Variants in TOPORS observed in about 807,000 individuals in gnomAD.
TOPORS encodes the protein E3 ubiquitin-protein ligase Topors.
In TOPORS, 25 loss-of-function variants were observed where a neutral mutation model predicts 81.4. The observed-to-expected ratio is 0.31, with a 90% CI of 0.22 to 0.43. TOPORS has a LOEUF of 0.43. Among genes scored for constraint, TOPORS ranks in the 20% least tolerant of loss-of-function variants. The probability of loss-of-function intolerance (pLI) is 1.00; values close to 1 mark genes in which losing one functional copy is unlikely to be tolerated. For missense variants in TOPORS, 1,101 were observed against 1,267.0 expected (o/e 0.87, Z 1.99); for synonymous variants, 473 against 456.6 (o/e 1.04, Z -0.46).
intron 2 of TOPORS, among the ~76,000 whole-genome samples, chr9:32,547,999 A>ATTTTTTTTTTTTTT (rs747727912): frequency 3.4e-3 from 283 of 83,714 alleles, no homozygotes; most frequent in African/African-American, 4.7e-3. Context: ...CACGCTCGGC[A>ATTTTTTTTTTTTTT]TTTTTTTTTT....
Position 32,552,437 on chromosome 9 carries a change from GA to G in TOPORS, c.-2del, listed in dbSNP as rs750665008. ...CGGACTGCTGCCGCCTCCTTACCAT[GA>G]AGCCAGTAAGTCGTCGCACGCTGGA... On this transcript the variant is annotated 5_prime_UTR_variant, in exon 1 of 3. Transcript: ENST00000360538. 6.2e-7 allele frequency: 1 copy of G among 1,608,868 alleles called. No homozygotes were observed. Among genetic ancestry groups the G allele is most frequent in the South Asian group, 1.1e-5 (1 of 89,996 alleles).
In TOPORS at chr9:32,543,971, G is replaced by A. The variant is rs1299378500; in HGVS notation, c.554C>T (p.Thr185Ile). Reference sequence around the variant, plus strand: ...ATACACAGAAGCATTTCGTTCCCTTGTCAGAGTTGTACGGTAGCGAAATCG... The same window carrying A: ...ATACACAGAAGCATTTCGTTCCCTTATCAGAGTTGTACGGTAGCGAAATCG... ...DRRFRYRTTL[T>I]RERNASVYSP... The change falls in exon 3 of 3, where the codon ACA (threonine) becomes ATA (isoleucine). Residue 185 changes from threonine to isoleucine, a missense_variant. Around this residue, in one of 9 missense-constraint regions of TOPORS, gnomAD observed 120 missense variants for 115.4 expected, o/e 1.04. Coordinates refer to ENST00000360538, the MANE Select transcript of TOPORS (RefSeq NM_005802.5). This position sits in a 1 kb window ranked among gnomAD's most constrained non-coding sequence, Gnocchi z 5.6. The A allele has an allele frequency of 5.0e-6, 8 of 1,614,094 alleles. No individual in the cohort carries two copies. Among genetic ancestry groups the A allele is most frequent in the Admixed American group, 1.7e-5 (1 of 60,020 alleles).
At position 32,550,930 on chromosome 9, in the gene TOPORS, C is replaced by T; in HGVS notation, c.42G>A (p.Glu14=). The change falls in exon 2 of 3, where the codon GAG becomes GAA. Residue 14 remains glutamate (E), a synonymous_variant. Transcript: ENST00000360538. ...QPPLGSPLSR[E]EGEAPPPAPA... ...GAGCAGGCGGGGGCGCTTCACCCTC[C>T]TCGCGAGACAGCGGAGACCCCAGCG... is the stretch of plus-strand genomic sequence containing the variant. The T allele has an allele frequency of 6.2e-7, 1 of 1,612,528 alleles. No homozygotes were observed.
At position 32,550,774 on chromosome 9, in the gene TOPORS, C is replaced by T. The variant is rs560530251; in HGVS notation, c.198G>A (p.Glu66=). The change falls in exon 2 of 3, where the codon GAG becomes GAA. Residue 66 remains glutamate, a splice_region_variant and synonymous_variant. Coordinates refer to ENST00000360538, the MANE Select transcript of TOPORS (RefSeq NM_005802.5). ...APARPAPASS[E]IMASAAKEFK... ...TCCCATTGTTCCGAATCTCACTCAC[C>T]TCGGAGGATGCCGGCGCAGGCCTGG... 3 of 1,612,900 alleles carry T rather than the reference C, an allele frequency of 1.9e-6. No individual in the cohort carries two copies. The highest frequency in any genetic ancestry group is 2.5e-6 in the Non-Finnish European group (3 of 1,179,668).
Position 32,543,931 on chromosome 9 carries a change from A to C in TOPORS, c.594T>G (p.Pro198=), listed in dbSNP as rs776676629. The C allele has an allele frequency of 6.2e-7, 1 of 1,614,140 alleles. No individual in the cohort carries two copies. The highest frequency in any genetic ancestry group is 8.5e-7 in the Non-Finnish European group (1 of 1,179,996). ...GTGGAGTTGTTGTTCTTCTGTTCAC[A>C]GGACCACTAGGTGAATACACAGAAG... The part of the protein sequence containing the change: ...RNASVYSPSG[P]VNRRTTTPPD... The change falls in exon 3 of 3, where the codon CCT becomes CCG. Residue 198 remains proline (P), a synonymous_variant. Transcript: ENST00000360538. The surrounding 1 kb of genome is among the most constrained non-coding windows in gnomAD (Gnocchi z 5.6).
intron 1 of TOPORS, 99 bp downstream of exon 1, chr9:32,552,334 GC>G: frequency 6.5e-7 from 1 of 1,528,948 alleles, no homozygotes; most frequent in Non-Finnish European, 8.9e-7. Context: ...CTCGTGCCCG[GC>G]TAAAAGATGG....
At chr9:32,544,380 T>A in intron 2 of TOPORS, 54 bp from the exon 3 acceptor site, 3 of 1,549,188 alleles carry the variant, frequency 1.9e-6, no homozygotes, top group Non-Finnish European at 2.6e-6. Context: ...AATGACTAAA[T>A]AGTCTCAACA....
At chr9:32,551,656 C>T in intron 1 of TOPORS, 1 of 281,776 alleles carries the variant, frequency 3.5e-6, no homozygotes, top group South Asian at 2.8e-5. Flanking sequence ...CCTCAGGCCT[C>T]AAATGTGAGC....
intron 1 of TOPORS, chr9:32,551,924 T>C: frequency 6.3e-6 from 2 of 317,566 alleles, no homozygotes; most frequent in Non-Finnish European, 1.3e-5. Flanking sequence ...GAGTGGGTGG[T>C]ATTTTTACGT....
At chr9:32,545,722 T>C (rs182304284) in intron 2 of TOPORS, among the ~76,000 whole-genome samples, 6 of 152,128 alleles carry the variant, frequency 3.9e-5, no homozygotes, top group African/African-American at 9.6e-5. Context: ...GACTGCACCA[T>C]TGCAGTGGGT....
rs753572144 is a variant in TOPORS at position 32,552,332 on chromosome 9, C to A, written c.3+102G>T. On this transcript the variant is annotated intron_variant, in intron 1 of 2. Transcript: ENST00000360538. Reference sequence around the variant, plus strand: ...AAGCGAGTGGGCGGGCGCTCGTGCCCGGCTAAAAGATGGCTGCTGGCGCCT... The same window carrying A: ...AAGCGAGTGGGCGGGCGCTCGTGCCAGGCTAAAAGATGGCTGCTGGCGCCT... 1.9e-5 allele frequency: 29 copies of A among 1,523,674 alleles called. No individual in the cohort carries two copies. In the South Asian group the frequency reaches 2.3e-4, roughly 12 times the overall value. 94.4% of individuals were successfully genotyped at this position (1,523,674 alleles called of 1,614,324 possible).
At chr9:32,550,630 G>A (rs1232439859) in intron 2 of TOPORS, 144 bp downstream of exon 2, 15 of 858,096 alleles carry the variant, frequency 1.7e-5, no homozygotes, top group South Asian at 8.9e-5. Flanking sequence ...CCGCTCGGGG[G>A]CCCTGGCCCT....
chr9:32,541,867 CTTTT>C lies in TOPORS; in HGVS notation c.2654_2657del (p.Lys885ArgfsTer22). The C allele has an allele frequency of 6.2e-7, 1 of 1,614,054 alleles. No individual in the cohort carries two copies. The highest frequency in any genetic ancestry group is 8.5e-7 in the Non-Finnish European group (1 of 1,179,998). ...TCTTATGCTTCTTCTTATGTTTCTTCTTTTTCTTTTTATGGTGTTTAGTTGTATC... is the reference window on the plus strand; with the variant it reads ...TCTTATGCTTCTTCTTATGTTTCTTCTCTTTTTATGGTGTTTAGTTGTATC... On this transcript the variant is annotated frameshift_variant, in exon 3 of 3. Coordinates refer to ENST00000360538, the MANE Select transcript of TOPORS (RefSeq NM_005802.5). LOFTEE classifies it high-confidence loss of function.
rs777634455 is a variant in TOPORS at position 32,543,137 on chromosome 9, G to T, written c.1388C>A (p.Thr463Asn). ...ACTGTCATTATTTAGGTCGTCATTG[G>T]TTTGTACTCCTTGTATCTGAGACGT... Reference protein sequence around the residue: ...GATSQIQGVQTNDDLNNDSDD... With the variant: ...GATSQIQGVQNNDDLNNDSDD... Residue 463 changes from threonine (T) to asparagine (N), a missense_variant, in exon 3 of 3, where the codon ACC (threonine) becomes AAC (asparagine). This residue lies in a region of TOPORS where 103 missense variants were observed against 112.1 expected (regional missense o/e 0.92). Transcript: ENST00000360538. The surrounding 1 kb of genome is among the most constrained non-coding windows in gnomAD (Gnocchi z 5.6). The T allele has an allele frequency of 6.2e-7, 1 of 1,614,048 alleles. No homozygotes were observed. The highest frequency in any genetic ancestry group is 1.7e-5 in the Admixed American group (1 of 60,024).
chr9:32,541,322 T>C lies in TOPORS; in HGVS notation c.*65A>G. On this transcript the variant is annotated 3_prime_UTR_variant, in exon 3 of 3. Coordinates refer to ENST00000360538, the MANE Select transcript of TOPORS (RefSeq NM_005802.5). The stretch of plus-strand genomic sequence containing the variant: ...AATGTCATCTTTAAATAGACTGCAG[T>C]AGACGACATTCTTCCTTTTTCCTTT... 6.7e-7 allele frequency: 1 copy of C among 1,501,590 alleles called. No individual in the cohort carries two copies. The highest frequency in any genetic ancestry group is 9.2e-7 in the Non-Finnish European group (1 of 1,084,058). The allele number at this position is 1,501,590 out of a possible 1,614,324, so 93.0% of individuals were successfully genotyped here.
Position 32,542,012 on chromosome 9 carries a change from T to C in TOPORS, c.2513A>G (p.Asn838Ser). 6.2e-7 allele frequency: 1 copy of C among 1,614,108 alleles called. No individual in the cohort carries two copies. Among genetic ancestry groups the C allele is most frequent in the Non-Finnish European group, 8.5e-7 (1 of 1,180,018 alleles). ...SSSKLDGNYK[N>S]ESDTFSDSRS... ...GCTGTCTGAAAAGGTATCACTCTCA[T>C]TTTTGTAGTTTCCATCCAATTTTGA... The change falls in exon 3 of 3, where the codon AAT becomes AGT. Residue 838 changes from asparagine to serine, a missense_variant. By Grantham distance (46) the Asn-to-Ser change is conservative (BLOSUM62 1). This residue lies in a region of TOPORS where 605 missense variants were observed against 636.1 expected (regional missense o/e 0.95). Coordinates refer to ENST00000360538, the MANE Select transcript of TOPORS (RefSeq NM_005802.5).
intron 2 of TOPORS, among the ~76,000 whole-genome samples, chr9:32,548,551 A>AC: frequency 6.6e-6 from 1 of 152,058 alleles, no homozygotes; most frequent in African/African-American, 2.4e-5. Flanking sequence ...ACACACACAC[A>AC]AAAGAGTGGC....
intron 2 of TOPORS, among the ~76,000 whole-genome samples, chr9:32,548,150 C>T (rs939475048): frequency 6.6e-6 from 1 of 150,648 alleles, no homozygotes; most frequent in South Asian, 2.1e-4. Flanking sequence ...GCGCCCAGCC[C>T]GGAATGTAAT....
rs1479663971 is a variant in TOPORS at position 32,541,809 on chromosome 9, C to T, written c.2716G>A (p.Val906Ile). ...HHGDNASRSP[V>I]VITIDSDSDK... ...CTGTCACTGTCAATGGTAATTACAA[C>T]TGGGGAACGTGAAGCATTATCTCCA... The change falls in exon 3 of 3, where the codon GTT (valine) becomes ATT (isoleucine). Residue 906 changes from valine to isoleucine, a missense_variant. This residue lies in a region of TOPORS where 605 missense variants were observed against 636.1 expected (regional missense o/e 0.95). Transcript: ENST00000360538. 2 of 1,614,180 alleles carry T rather than the reference C, an allele frequency of 1.2e-6. No individual in the cohort carries two copies. The highest frequency in any genetic ancestry group is 2.2e-5 in the East Asian group (1 of 44,884).
Sources: gnomAD v4.1 joint callset for allele counts (sites outside exome capture counted in the v4.1 genomes callset) on GRCh38, gnomAD v4.1.1 for gene constraint, gnomAD v4.1.1 regional missense constraint, Gnocchi (gnomAD v3.1) non-coding constraint, MANE v1.5 for transcripts, NCBI Gene and HGNC (gene_info 2026-07-23, HGNC 2026-07-21) for gene names.